Variants in MS4A1 observed in about 807,000 individuals in gnomAD.
The protein encoded by MS4A1 is membrane spanning 4-domains A1.
MS4A1 carries 16 observed loss-of-function variants against 26.5 expected under a neutral mutation model. That is an observed-to-expected ratio of 0.60 (90% CI 0.41 to 0.92). The LOEUF is 0.92. Ranked by LOEUF, MS4A1 falls within the 40% of genes least tolerant of loss-of-function variation. The pLI, the probability that MS4A1 is intolerant of heterozygous loss-of-function variation, is 0.00. For synonymous variants in MS4A1, 128 were observed against 117.6 expected, an observed-to-expected ratio of 1.09 and a Z score of -0.57; for missense variants, 350 against 353.0, an observed-to-expected ratio of 0.99 and a Z score of 0.07.
At chr11:60,463,856 AT>A in intron 4 of MS4A1, 1 of 445,284 alleles carries the variant, frequency 2.2e-6, no homozygotes, top group South Asian at 1.6e-5. Flanking sequence ...CAGGTCAAGT[AT>A]TTCCTTCTGC....
rs1479362515 is a variant in MS4A1 at position 60,467,042 on chromosome 11, G to A, written c.657G>A (p.Thr219=). ...TCGTTGAGAATGAATGGAAAAGAAC[G>A]TGCTCCAGACCCAAATCTGTAAGTA... ...AGIVENEWKR[T]CSRPKSNIVL... The change falls in exon 7 of 8, where the codon ACG becomes ACA. Residue 219 remains threonine, a synonymous_variant. Coordinates refer to ENST00000345732, the MANE Select transcript of MS4A1 (RefSeq NM_152866.3). 2.0e-5 allele frequency: 33 copies of A among 1,613,912 alleles called. No individual in the cohort carries two copies. The East Asian group carries it at 4.9e-4, about 24-fold the overall frequency.
At chr11:60,467,902 T>C (rs888774167) in intron 7 of MS4A1, among the ~76,000 whole-genome samples, 1 of 152,166 alleles carries the variant, frequency 6.6e-6, no homozygotes, top group Non-Finnish European at 1.5e-5. Flanking sequence ...AGAAAAATAG[T>C]ATCAAAGAGA....
chr11:60,458,666 A>C (rs900044151), intron 1 of MS4A1, among the ~76,000 whole-genome samples: 7 of 152,240 alleles, frequency 4.6e-5, no homozygotes, highest in Admixed American at 6.5e-5. Context: ...TATTTTAATG[A>C]TAAGGCAAAA....
At chr11:60,468,118 C>G (rs1230065588) in intron 7 of MS4A1, 132 bp from the exon 8 acceptor site, 1 of 822,898 alleles carries the variant, frequency 1.2e-6, no homozygotes, top group African/African-American at 1.7e-5. Flanking sequence ...AAAATTTTGG[C>G]ATTTAAAGGC....
chr11:60,463,180 C>A (rs1175830326), intron 4 of MS4A1, 59 bp downstream of exon 4: 4 of 1,607,836 alleles, frequency 2.5e-6, no homozygotes, highest in Non-Finnish European at 3.4e-6. Context: ...TTAAAAGGCT[C>A]CACAGGGATA....
intron 4 of MS4A1, chr11:60,463,635 C>T (rs2086266768): frequency 2.8e-6 from 1 of 356,636 alleles, no homozygotes; most frequent in South Asian, 2.2e-5. Context: ...GGGTGTGGCA[C>T]ATAGGACAGT....
rs199935456 is a variant in MS4A1 at position 60,466,134 on chromosome 11, T to C, written c.550T>C (p.Tyr184His). ...EKNSPSTQYC[Y>H]SIQSLFLGIL... is the part of the protein sequence containing the mutation. ...AAACTCCCCATCTACCCAATACTGT[T>C]ACAGCATACAATCTCTGTTCTTGGT... The change falls in exon 6 of 8, where the codon TAC (tyrosine) becomes CAC (histidine). Residue 184 changes from tyrosine (Y) to histidine (H), a missense_variant. By Grantham distance (83) the Tyr-to-His change is moderately conservative. Transcript: ENST00000345732. 11 of 1,611,002 alleles carry C rather than the reference T, an allele frequency of 6.8e-6. No homozygotes were observed. Among genetic ancestry groups the C allele is most frequent in the East Asian group, 2.2e-5 (1 of 44,852 alleles).
At chr11:60,466,592 A>T in intron 6 of MS4A1, 2 of 322,808 alleles carry the variant, frequency 6.2e-6, no homozygotes, top group Non-Finnish European at 5.8e-6. Context: ...ATAAAAAAAA[A>T]TGCATCTCCC....
intron 5 of MS4A1, chr11:60,465,612 C>T (rs1402293939): frequency 2.9e-6 from 1 of 348,860 alleles, no homozygotes; most frequent in African/African-American, 2.1e-5. Flanking sequence ...TGAGTGCCTA[C>T]TAGGATGGTG....
chr11:60,465,242 C>T (rs1231249915), intron 5 of MS4A1, among the ~76,000 whole-genome samples: 1 of 152,162 alleles, frequency 6.6e-6, no homozygotes, highest in African/African-American at 2.4e-5. Context: ...TTATATTTTC[C>T]TGTTTCAACC....
intron 1 of MS4A1, among the ~76,000 whole-genome samples, chr11:60,459,516 A>G (rs376225147): frequency 9.2e-5 from 14 of 152,328 alleles, no homozygotes; most frequent in Non-Finnish European, 2.1e-4. Context: ...GGCAAATTCT[A>G]TACCCAGACT....
At chr11:60,461,482 G>T (rs2086247398) in intron 2 of MS4A1, among the ~76,000 whole-genome samples, 1 of 151,650 alleles carries the variant, frequency 6.6e-6, no homozygotes, top group Non-Finnish European at 1.5e-5. Flanking sequence ...TGACTCAGGA[G>T]GCCACAGTCT....
intron 7 of MS4A1, among the ~76,000 whole-genome samples, chr11:60,467,506 C>A (rs548575579): frequency 5.0e-4 from 76 of 152,062 alleles, no homozygotes; most frequent in Non-Finnish European, 9.9e-4. Flanking sequence ...GAACTCCCGA[C>A]CTCAGGTGAT....
chr11:60,466,616 T>A (rs1027129348), intron 6 of MS4A1: 1 of 348,894 alleles, frequency 2.9e-6, no homozygotes, highest in African/African-American at 2.1e-5. Context: ...GATGAAGAGG[T>A]CTCCTAGGCA....
chr11:60,464,140 T>C (rs1166787239), intron 4 of MS4A1, 148 bp from the exon 5 acceptor site: 1 of 656,754 alleles, frequency 1.5e-6, no homozygotes, highest in Non-Finnish European at 2.7e-6. Context: ...ATACAACTGA[T>C]AAAAATGGGT....
intron 5 of MS4A1, among the ~76,000 whole-genome samples, chr11:60,465,007 T>A (rs60980020): frequency 5.1e-4 from 78 of 152,328 alleles, no homozygotes; most frequent in African/African-American, 1.8e-3. Flanking sequence ...TACTAAACTG[T>A]GTCACTTTCA....
intron 1 of MS4A1, among the ~76,000 whole-genome samples, chr11:60,457,817 G>T (rs1219862684): frequency 2.0e-5 from 3 of 152,158 alleles, no homozygotes; most frequent in Non-Finnish European, 4.4e-5. Flanking sequence ...GAGGAGGTGG[G>T]GGAAGAGAGT....
At chr11:60,464,228 C>A in intron 4 of MS4A1, 60 bp from the exon 5 acceptor site, 1 of 1,265,534 alleles carries the variant, frequency 7.9e-7, no homozygotes, top group Non-Finnish European at 1.2e-6. Context: ...ATCTCCCTCT[C>A]TCCTCTATCT....
chr11:60,466,969 C>T lies in MS4A1; in HGVS notation c.584C>T (p.Ser195Leu), dbSNP rs1200539551. ...TCTGTTGTTTTTCAGGGCATTTTGT[C>T]AGTGATGCTGATCTTTGCCTTCTTC... ...SIQSLFLGIL[S>L]VMLIFAFFQE... Residue 195 changes from serine (S) to leucine (L), a missense_variant, in exon 7 of 8, where the codon TCA (serine) becomes TTA (leucine). By Grantham distance (145) the Ser-to-Leu change is moderately radical. Transcript: ENST00000345732. 1 of 1,614,102 alleles carries T rather than the reference C, an allele frequency of 6.2e-7. No individual in the cohort carries two copies. The highest frequency in any genetic ancestry group is 2.2e-5 in the East Asian group (1 of 44,870).
Sources: gnomAD v4.1 joint callset for allele counts (sites outside exome capture counted in the v4.1 genomes callset) on GRCh38, gnomAD v4.1.1 for gene constraint, MANE v1.5 for transcripts, NCBI Gene and HGNC (gene_info 2026-07-23, HGNC 2026-07-21) for gene names.